Variants in POLA1 observed in about 807,000 individuals in gnomAD.
POLA1 encodes the protein DNA polymerase alpha catalytic subunit.
POLA1 carries 15 observed loss-of-function variants against 124.0 expected under a neutral mutation model. The observed-to-expected ratio is 0.12, with a 90% confidence interval of 0.08 to 0.19. POLA1 has a LOEUF of 0.19. Ranked by LOEUF, POLA1 falls within the 10% of genes least tolerant of loss-of-function variation. The pLI is 1.00. For synonymous variants in POLA1, 408 were observed against 389.4 expected, an observed-to-expected ratio of 1.05 and a Z score of -0.56; for missense variants, 886 against 1,103.4, an observed-to-expected ratio of 0.80 and a Z score of 2.79.
chrX:24,937,047 TAAAA>T (rs1264315449), intron 36 of POLA1, among the ~76,000 whole-genome samples: 1 of 112,021 alleles, frequency 8.9e-6, no homozygotes, highest in African/African-American at 3.2e-5. Context: ...TTCTTACAAA[TAAAA>T]AAATGATCTG....
chrX:24,961,927 C>T (rs2048172643), intron 36 of POLA1, among the ~76,000 whole-genome samples: 1 of 111,641 alleles, frequency 9.0e-6, no homozygotes, highest in African/African-American at 3.3e-5. Flanking sequence ...CATTAAGTTC[C>T]ACAGGGGAAA....
At chrX:24,775,910 G>A (rs1475261104) in intron 26 of POLA1, among the ~76,000 whole-genome samples, 1 of 111,746 alleles carries the variant, frequency 8.9e-6, no homozygotes, top group African/African-American at 3.2e-5. Context: ...AAAAATATAA[G>A]TCCATAAGGT....
At chrX:24,804,865 T>C (rs1431981210) in intron 26 of POLA1, among the ~76,000 whole-genome samples, 1 of 112,014 alleles carries the variant, frequency 8.9e-6, no homozygotes, top group East Asian at 2.8e-4. Context: ...CCTGAACTTA[T>C]TAGGAGAACC....
intron 35 of POLA1, among the ~76,000 whole-genome samples, chrX:24,892,145 CAT>C (rs751660843): frequency 5.6e-5 from 6 of 107,713 alleles, no homozygotes; most frequent in Non-Finnish European, 7.7e-5. Flanking sequence ...ATATTTCATT[CAT>C]ATATATATAT....
In POLA1 at chrX:24,995,937, C is replaced by T. The variant is rs867914521; in HGVS notation, c.4394C>T (p.Ala1465Val). Residue 1465 changes from alanine to valine, a missense_variant, in exon 37 of 37, where the codon GCC becomes GTC. Ala to Val is a moderately conservative substitution (Grantham distance 64). Transcript: ENST00000379068. ...CTGAGCAAACTCTTCGCTGGTTGTG[C>T]CGTGAAATCCTAAGGGAATCCCAGG... ...VNLSKLFAGC[A>V]VKS is the part of the protein sequence containing the mutation. 1 of 1,206,899 alleles carries T rather than the reference C, an allele frequency of 8.3e-7. No homozygotes were observed. Among genetic ancestry groups the T allele is most frequent in the African/African-American group, 1.8e-5 (1 of 56,772 alleles).
intron 36 of POLA1, among the ~76,000 whole-genome samples, chrX:24,980,826 G>A (rs760837251): frequency 1.3e-3 from 142 of 111,555 alleles, no homozygotes; most frequent in African/African-American, 4.6e-3. Flanking sequence ...TCTCCATATC[G>A]CTTCAGTAAA....
intron 26 of POLA1, among the ~76,000 whole-genome samples, chrX:24,805,455 C>T (rs1032517837): frequency 9.0e-6 from 1 of 111,120 alleles, no homozygotes; most frequent in Non-Finnish European, 1.9e-5. Flanking sequence ...ATTTTAAATT[C>T]CATCTGAATG....
chrX:24,889,898 TATATC>T (rs1434458612), intron 35 of POLA1, among the ~76,000 whole-genome samples: 5 of 111,508 alleles, frequency 4.5e-5, no homozygotes, highest in African/African-American at 1.3e-4. Context: ...TTTAGGATAA[TATATC>T]ATTTCACAAA....
intron 5 of POLA1, 86 bp downstream of exon 5, chrX:24,714,755 A>G (rs1929712699): frequency 2.0e-6 from 1 of 508,588 alleles, no homozygotes; most frequent in African/African-American, 2.4e-5. Context: ...GGTGCTCTGT[A>G]TATATTTGAG....
At chrX:24,794,010 A>G (rs1288516365) in intron 26 of POLA1, among the ~76,000 whole-genome samples, 1 of 106,166 alleles carries the variant, frequency 9.4e-6, no homozygotes, top group Non-Finnish European at 1.9e-5. Flanking sequence ...CTCTCTCTCT[A>G]TTGCCCAGGC....
intron 35 of POLA1, among the ~76,000 whole-genome samples, chrX:24,920,450 C>T (rs936233204): frequency 1.8e-5 from 2 of 111,289 alleles, no homozygotes; most frequent in Non-Finnish European, 3.8e-5. Flanking sequence ...AGGGAGGTAC[C>T]AGGTGCATAT....
At chrX:24,817,724 A>G (rs1281859261) in intron 30 of POLA1, among the ~76,000 whole-genome samples, 1 of 111,172 alleles carries the variant, frequency 9.0e-6, no homozygotes, top group Non-Finnish European at 1.9e-5. Context: ...ATTCTGATGA[A>G]AGGGCTATCT....
Position 24,693,936 on chromosome X carries a change from G to GGC in POLA1, c.-22_-21dup. 8.4e-7 allele frequency: 1 copy of GGC among 1,185,628 alleles called. No homozygotes were observed. The highest frequency in any genetic ancestry group is 1.1e-6 in the Non-Finnish European group (1 of 881,526). On this transcript the variant is annotated 5_prime_UTR_variant, in exon 1 of 37. Transcript: ENST00000379068. ...CCCCCGCGCCAGTTTTGGGCTGGTT[G>GGC]GCGCGGAATCGGGAGATTCGGGACC... is the stretch of plus-strand genomic sequence containing the variant.
intron 35 of POLA1, among the ~76,000 whole-genome samples, chrX:24,892,799 A>G (rs775068619): frequency 2.7e-5 from 3 of 112,246 alleles, no homozygotes; most frequent in East Asian, 5.6e-4. Flanking sequence ...CAGGAGCAGT[A>G]TAGTGGAGCC....
At chrX:24,961,212 C>T (rs1211019188) in intron 36 of POLA1, among the ~76,000 whole-genome samples, 1 of 111,446 alleles carries the variant, frequency 9.0e-6, no homozygotes, top group Non-Finnish European at 1.9e-5. Context: ...GTCTGGTTTG[C>T]TCAGTCAGTT....
chrX:24,815,154 T>G, intron 30 of POLA1, 43 bp downstream of exon 30: 1 of 1,129,148 alleles, frequency 8.9e-7, no homozygotes, highest in Non-Finnish European at 1.2e-6. Context: ...CTGTCATGTG[T>G]TTTTCACCTC....
chrX:24,790,640 T>C (rs1358217823), intron 26 of POLA1, among the ~76,000 whole-genome samples: 1 of 110,893 alleles, frequency 9.0e-6, no homozygotes, highest in Non-Finnish European at 1.9e-5. Context: ...CATTAGCTTT[T>C]ACCTTCCTTT....
intron 26 of POLA1, among the ~76,000 whole-genome samples, chrX:24,763,770 A>G (rs1932841818): frequency 9.0e-6 from 1 of 111,687 alleles, no homozygotes; most frequent in South Asian, 3.8e-4. Context: ...ATTTCCATTG[A>G]ATTTTGGGAT....
intron 8 of POLA1, 73 bp from the exon 9 acceptor site, chrX:24,717,217 G>T (rs1467195530): frequency 1.2e-5 from 10 of 814,230 alleles, no homozygotes; most frequent in East Asian, 6.4e-5. Flanking sequence ...GCCTTTGTGC[G>T]CCTTTGTGTG....
Sources: gnomAD v4.1 joint callset for allele counts (sites outside exome capture counted in the v4.1 genomes callset) on GRCh38, gnomAD v4.1.1 for gene constraint, MANE v1.5 for transcripts, NCBI Gene and HGNC (gene_info 2026-07-23, HGNC 2026-07-21) for gene names.